The following P2RX7 variants were observed in gnomAD, a reference collection of about 807,000 sequenced individuals.
P2RX7 encodes the protein P2X purinoceptor 7.
In P2RX7, 62 loss-of-function variants were observed where a neutral mutation model predicts 71.6. The observed-to-expected ratio is 0.87, with a 90% CI of 0.71 to 1.07. The LOEUF is 1.07. Ranked by LOEUF, P2RX7 falls within the 50% of genes least tolerant of loss-of-function variation. The probability of loss-of-function intolerance (pLI) is 0.00; values close to 1 mark genes in which losing one functional copy is unlikely to be tolerated. For missense variants in P2RX7, 686 were observed against 748.5 expected, an observed-to-expected ratio of 0.92 and a Z score of 0.97; for synonymous variants, 299 against 283.3, an observed-to-expected ratio of 1.06 and a Z score of -0.56.
intron 3 of P2RX7, among the ~76,000 whole-genome samples, chr12:121,159,730 C>T (rs1340736759): frequency 6.6e-6 from 1 of 152,208 alleles, no homozygotes; most frequent in East Asian, 1.9e-4. Context: ...CTTCCGTGTT[C>T]TGTCCTTCAG....
At chr12:121,167,351 G>A (rs1881296958) in intron 7 of P2RX7, 137 bp from the exon 8 acceptor site, 1 of 894,676 alleles carries the variant, frequency 1.1e-6, no homozygotes, top group Non-Finnish European at 1.7e-6. Flanking sequence ...CGAGTTAGGT[G>A]GGGCTGTACA....
At chr12:121,172,622 T>C (rs570264891) in intron 8 of P2RX7, among the ~76,000 whole-genome samples, 55 of 152,112 alleles carry the variant, frequency 3.6e-4, no homozygotes, top group African/African-American at 1.2e-3. Context: ...CAGAGCCAGA[T>C]CCTGTCTCAA....
chr12:121,135,583 G>T (rs977259210), intron 1 of P2RX7, among the ~76,000 whole-genome samples: 19 of 152,006 alleles, frequency 1.2e-4, no homozygotes, highest in Non-Finnish European at 2.5e-4. Context: ...ATGCAAAGCT[G>T]TTTGAGAAAT....
chr12:121,155,058 TC>T lies in P2RX7; in HGVS notation c.294+107del, dbSNP rs1878293462. ...AGCCTCACTCCAGAAAAAACGCTGG[TC>T]CTATTTTAAAAGCTCTGTGAACATC... On this transcript the variant is annotated intron_variant, in intron 2 of 12. Transcript: ENST00000328963. The T allele has an allele frequency of 1.5e-5, 23 of 1,532,406 alleles. No individual in the cohort carries two copies. The Middle Eastern group carries it at 8.9e-4, about 59-fold the overall frequency. The allele number at this position is 1,532,406 out of a possible 1,614,324, so 94.9% of individuals were successfully genotyped here. A position where few individuals can be genotyped will look rare whatever the true frequency, so the allele number is the denominator to read the frequency against.
intron 1 of P2RX7, 114 bp downstream of exon 1, chr12:121,133,209 C>T (rs549639506): frequency 1.1e-5 from 13 of 1,212,910 alleles, no homozygotes; most frequent in African/African-American, 4.4e-5. Flanking sequence ...GAATCTGAGA[C>T]GTGCTCTCAC....
chr12:121,136,023 A>AAAAAATATATAT, intron 1 of P2RX7, among the ~76,000 whole-genome samples: 4 of 15,258 alleles, frequency 2.6e-4, no homozygotes, highest in Non-Finnish European at 3.7e-4. Context: ...AAAAAAAAAA[A>AAAAAATATATAT]ATATATATAT....
intron 1 of P2RX7, among the ~76,000 whole-genome samples, chr12:121,143,693 T>C (rs938599676): frequency 1.3e-5 from 2 of 151,444 alleles, no homozygotes; most frequent in Non-Finnish European, 2.9e-5. Context: ...CTACTAAAAA[T>C]ACAAAAATTA....
intron 10 of P2RX7, 27 bp from the exon 11 acceptor site, chr12:121,177,270 C>T: frequency 1.2e-6 from 2 of 1,614,098 alleles, no homozygotes; most frequent in Admixed American, 1.7e-5. Context: ...AAGTGACTAA[C>T]GCAGCGCTTG....
At chr12:121,153,851 A>C (rs1316439097) in intron 1 of P2RX7, among the ~76,000 whole-genome samples, 1 of 152,140 alleles carries the variant, frequency 6.6e-6, no homozygotes, top group African/African-American at 2.4e-5. Context: ...GGTGGCCCAC[A>C]CCTGTAACCA....
Position 121,180,447 on chromosome 12 carries a change from G to A in P2RX7, c.1282G>A (p.Glu428Lys). ...AAGTCTGCAAGATGTCAAGGGCCAA[G>A]AAGTCCCAGTAAGTTAAATCATTTT... ...GRSLQDVKGQ[E>K]VPRPAMDFTD... The change falls in exon 12 of 13, where the codon GAA becomes AAA. Residue 428 changes from glutamate (E) to lysine (K), a missense_variant. By Grantham distance (56) the Glu-to-Lys change is moderately conservative. Transcript: ENST00000328963. 7 of 1,547,672 alleles carry A rather than the reference G, an allele frequency of 4.5e-6. No individual in the cohort carries two copies. Among genetic ancestry groups the A allele is most frequent in the Non-Finnish European group, 6.2e-6 (7 of 1,135,730 alleles).
At chr12:121,168,914 G>A (rs1346615370) in intron 8 of P2RX7, among the ~76,000 whole-genome samples, 1 of 152,134 alleles carries the variant, frequency 6.6e-6, no homozygotes, top group South Asian at 2.1e-4. Flanking sequence ...ATCAAAGGTT[G>A]TGAACATTTT....
chr12:121,168,260 G>GTTTTCTTTTCTTTTCTTTTC (rs372601410), intron 8 of P2RX7, among the ~76,000 whole-genome samples: 3,188 of 147,388 alleles, frequency 0.022, 126 homozygotes, highest in African/African-American at 0.076. Flanking sequence ...TTCAGGCAGT[G>GTTTTCTTTTCTTTTCTTTTC]TTTTCTTTTC....
intron 8 of P2RX7, among the ~76,000 whole-genome samples, chr12:121,171,463 C>T (rs1384409805): frequency 1.3e-5 from 2 of 149,990 alleles, no homozygotes; most frequent in Admixed American, 1.3e-4. Flanking sequence ...CTCCCGGGCT[C>T]AAGCGATTTG....
At position 121,147,161 on chromosome 12, in the gene P2RX7, G is replaced by A. The variant is rs146759466; in HGVS notation, c.126-7624G>A. 6.6e-5 allele frequency among the ~76,000 whole-genome samples: 10 copies of A among 152,310 alleles called. 1 individual carries two copies. In the South Asian group the frequency reaches 1.7e-3, roughly 25 times the overall value. Reference sequence around the variant, plus strand: ...TCGAAAAAGTATTCCATTCACTGTAGCATTTAAGAAAGCTGAGGCTGTGAA... The same window carrying A: ...TCGAAAAAGTATTCCATTCACTGTAACATTTAAGAAAGCTGAGGCTGTGAA... On this transcript the variant is annotated intron_variant, in intron 1 of 12. Transcript: ENST00000328963.
At chr12:121,153,056 C>T (rs1877784922) in intron 1 of P2RX7, among the ~76,000 whole-genome samples, 1 of 152,176 alleles carries the variant, frequency 6.6e-6, no homozygotes, top group Non-Finnish European at 1.5e-5. Flanking sequence ...GCTATCTTTT[C>T]AGGAGCCTAC....
rs369670519 is a variant in P2RX7 at position 121,155,891 on chromosome 12, C to G, written c.295-188C>G. On this transcript the variant is annotated intron_variant, in intron 2 of 12. Transcript: ENST00000328963. ...ACCCATTCAAACGCTCCTTCACTCT[C>G]CCTCAGCTCAGCAGGGCTGCTCGTC... Among the ~76,000 whole-genome samples the G allele has an allele frequency of 8.3e-4, 127 of 152,340 alleles. 1 individual carries two copies. In the South Asian group the frequency reaches 0.023, roughly 27 times the overall value.
chr12:121,174,536 A>G (rs1234148876), intron 8 of P2RX7, among the ~76,000 whole-genome samples: 2 of 152,026 alleles, frequency 1.3e-5, no homozygotes. Flanking sequence ...AAAACAAAAC[A>G]AAAAACACAA....
rs1478796608 is a variant in P2RX7, at chr12:121,132,920, A to T, written c.-51A>T. ...GGAGGGGGCTTGCTGTGGCCCTGTC[A>T]GGAAGAGTAGAGCTCTGGTCCAGCT... On this transcript the variant is annotated 5_prime_UTR_variant, in exon 1 of 13. Coordinates refer to ENST00000328963, the MANE Select transcript of P2RX7 (RefSeq NM_002562.6). The T allele has an allele frequency of 3.7e-6, 6 of 1,609,522 alleles. No individual in the cohort carries two copies. In the East Asian group the frequency reaches 1.1e-4, roughly 30 times the overall value.
chr12:121,146,906 G>A (rs1343814561), intron 1 of P2RX7, among the ~76,000 whole-genome samples: 1 of 152,208 alleles, frequency 6.6e-6, no homozygotes, highest in African/African-American at 2.4e-5. Context: ...TCTAGCCAGA[G>A]CAATTAGGCA....
Sources: allele counts gnomAD v4.1 joint callset (sites outside exome capture counted in the v4.1 genomes callset), GRCh38; gene constraint gnomAD v4.1.1; transcripts MANE v1.5; gene names NCBI Gene and HGNC (gene_info 2026-07-23, HGNC 2026-07-21).